SLFN11: variants seen among roughly 807,000 people sequenced by gnomAD.
SLFN11 encodes the protein schlafen family member 11.
Under a neutral mutation model 53.4 loss-of-function variants are expected in SLFN11, and 43 were observed. The ratio of observed to expected loss-of-function variants is 0.80; its 90% CI spans 0.63 to 1.04. The LOEUF is 1.04. SLFN11 is among the 50% of genes least tolerant of loss of function. SLFN11 has a pLI of 0.00. For synonymous variants in SLFN11, 389 were observed against 394.7 expected (o/e 0.99, Z 0.17); for missense variants, 990 against 1,079.1 (o/e 0.92, Z 1.16).
At chr17:35,366,371 A>T (rs1356822321) in intron 3 of SLFN11, among the ~76,000 whole-genome samples, 2 of 152,180 alleles carry the variant, frequency 1.3e-5, no homozygotes, top group African/African-American at 4.8e-5. Flanking sequence ...AACCGATATC[A>T]CTATTTGAAA....
At chr17:35,363,946 T>G in intron 3 of SLFN11, 120 bp from the exon 4 acceptor site, 1 of 738,826 alleles carries the variant, frequency 1.4e-6, no homozygotes, top group East Asian at 2.8e-5. Flanking sequence ...GAGCAATCCC[T>G]TCTCTTTAGG....
At chr17:35,367,227 T>C (rs1418670240) in intron 2 of SLFN11, 164 bp from the exon 3 acceptor site, 1 of 152,114 alleles carries the variant, frequency 6.6e-6, no homozygotes, top group East Asian at 1.9e-4. Flanking sequence ...CCTTTCGATG[T>C]ACAGGGATTT....
chr17:35,361,696 A>G (rs1402236688), intron 4 of SLFN11, among the ~76,000 whole-genome samples: 1 of 151,906 alleles, frequency 6.6e-6, no homozygotes, highest in East Asian at 1.9e-4. Flanking sequence ...GATAAACTAC[A>G]TCTTAATTTA....
At chr17:35,364,712 C>T (rs1322467262) in intron 3 of SLFN11, among the ~76,000 whole-genome samples, 1 of 152,110 alleles carries the variant, frequency 6.6e-6, no homozygotes, top group Non-Finnish European at 1.5e-5. Flanking sequence ...AAACATGGTG[C>T]ATCCACCTTA....
Position 35,351,735 on chromosome 17 carries a change from A to G in SLFN11, c.*621T>C, listed in dbSNP as rs1292479948. 1 of 152,518 alleles carries G rather than the reference A, an allele frequency of 6.6e-6. No homozygotes were observed. Among genetic ancestry groups the G allele is most frequent in the Non-Finnish European group, 1.5e-5 (1 of 68,290 alleles). 9.4% of individuals were successfully genotyped at this position (152,518 alleles called of 1,614,324 possible). ...TCACAATTAAGGCTTGGTCTGGGCC[A>G]TTCTGAGAACAAGCTCTGGAGACCA... On this transcript the variant is annotated 3_prime_UTR_variant, in exon 7 of 7. Coordinates refer to ENST00000685675, the MANE Select transcript of SLFN11 (RefSeq NM_001376007.1).
chr17:35,365,412 T>C (rs1354857937), intron 3 of SLFN11, among the ~76,000 whole-genome samples: 1 of 151,898 alleles, frequency 6.6e-6, no homozygotes, highest in South Asian at 2.1e-4. Context: ...GCCTCCTGAG[T>C]AGCTGGGACT....
rs1009034901 is a variant in SLFN11 at position 35,363,558 on chromosome 17, G to A, written c.250C>T (p.Leu84Phe). 10 of 1,613,902 alleles carry A rather than the reference G, an allele frequency of 6.2e-6. No homozygotes were observed. The highest frequency in any genetic ancestry group is 1.1e-5 in the South Asian group (1 of 91,066). Residue 84 changes from leucine to phenylalanine, a missense_variant, in exon 4 of 7, where the codon CTT (leucine) becomes TTT (phenylalanine). Leu to Phe is a conservative substitution (Grantham distance 22). Transcript: ENST00000685675. Reference sequence around the variant, plus strand: ...GCCTGCAGATCTGAAGACTGAATAAGCTCTCTCAAAGACTGTTCTAAATCC... The same window carrying A: ...GCCTGCAGATCTGAAGACTGAATAAACTCTCTCAAAGACTGTTCTAAATCC... ...GLDLEQSLRELIQSSDLQAFF... is the reference protein window; with the variant it reads ...GLDLEQSLREFIQSSDLQAFF...
intron 3 of SLFN11, 42 bp downstream of exon 3, chr17:35,366,905 C>A (rs544811053): frequency 6.6e-6 from 1 of 151,906 alleles, no homozygotes; most frequent in African/African-American, 2.4e-5. Flanking sequence ...AATCTCACCT[C>A]CTCAAAAAAT....
At chr17:35,361,226 A>G (rs894764295) in intron 4 of SLFN11, among the ~76,000 whole-genome samples, 4 of 152,156 alleles carry the variant, frequency 2.6e-5, no homozygotes, top group African/African-American at 9.7e-5. Context: ...GGGTAAATAT[A>G]GAAACATGTT....
chr17:35,372,629 G>A (rs1230318381), intron 1 of SLFN11, among the ~76,000 whole-genome samples: 2 of 151,954 alleles, frequency 1.3e-5, no homozygotes, highest in Non-Finnish European at 2.9e-5. Context: ...AAAAACTAAT[G>A]AGCATAATTG....
At position 35,352,455 on chromosome 17, in the gene SLFN11, A is replaced by G; in HGVS notation, c.2607T>C (p.His869=). 1 of 1,614,210 alleles carries G rather than the reference A, an allele frequency of 6.2e-7. No individual in the cohort carries two copies. The highest frequency in any genetic ancestry group is 1.1e-5 in the South Asian group (1 of 91,086). ...AGATAGCTGGGTCAGCTGTCCTTGG[A>G]TGGATCCCAAACACTATGCTCCTTT... The part of the protein sequence containing the change: ...GLERSIVFGI[H]PRTADPAILP... Residue 869 remains histidine, a synonymous_variant, in exon 7 of 7, where the codon CAT becomes CAC. Transcript: ENST00000685675.
Position 35,350,984 on chromosome 17 carries a change from T to C in SLFN11, c.*1372A>G, listed in dbSNP as rs1487013249. The C allele has an allele frequency of 6.6e-6, 1 of 152,246 alleles. No individual in the cohort carries two copies. Among genetic ancestry groups the C allele is most frequent in the African/African-American group, 2.4e-5 (1 of 41,468 alleles). The allele number at this position is 152,246 out of a possible 1,614,324, so 9.4% of individuals were successfully genotyped here. On this transcript the variant is annotated 3_prime_UTR_variant, in exon 7 of 7. Coordinates refer to ENST00000685675, the MANE Select transcript of SLFN11 (RefSeq NM_001376007.1). ...TTGCATTAGCATTGTTAAGTATCAG[T>C]GTTTTCTGTTTGACAAATAATCGTA...
At position 35,362,947 on chromosome 17, in the gene SLFN11, G is replaced by T; in HGVS notation, c.861C>A (p.Cys287Ter). The T allele has an allele frequency of 6.2e-7, 1 of 1,613,226 alleles. No individual in the cohort carries two copies. Residue 287 changes from cysteine to a stop codon, truncating the protein, a stop_gained, in exon 4 of 7, where the codon TGC becomes TGA. Coordinates refer to ENST00000685675, the MANE Select transcript of SLFN11 (RefSeq NM_001376007.1). LOFTEE classifies it high-confidence loss of function. The stretch of plus-strand genomic sequence containing the variant: ...TGAAGGTTATCGGGCGTTGGGGTTG[G>T]CAAAAATGAACACAAGGTAGTTTGT... The part of the protein sequence containing the change: ...AIYKLPCVHF[C>*]QPQRPITFTL...
rs1023278105 is a variant in SLFN11 at position 35,362,484 on chromosome 17, C to T, written c.1069+255G>A. 5.9e-5 allele frequency among the ~76,000 whole-genome samples: 9 copies of T among 152,038 alleles called. 1 individual carries two copies. Among genetic ancestry groups the T allele is most frequent in the Non-Finnish European group, 8.8e-5 (6 of 68,022 alleles). On this transcript the variant is annotated intron_variant, in intron 4 of 6. Coordinates refer to ENST00000685675, the MANE Select transcript of SLFN11 (RefSeq NM_001376007.1). ...TAAGAGCCATTCCAGTACACCATTG[C>T]AAGGGTGGCCATTCTCAAATAATTT...
At chr17:35,364,550 A>G (rs1211251248) in intron 3 of SLFN11, among the ~76,000 whole-genome samples, 1 of 152,122 alleles carries the variant, frequency 6.6e-6, no homozygotes, top group Non-Finnish European at 1.5e-5. Flanking sequence ...CTGTTCAGAC[A>G]CCTGGGCAGT....
rs762086056 is a variant in SLFN11, at chr17:35,352,789, G to A, written c.2273C>T (p.Thr758Ile). The change falls in exon 7 of 7, where the codon ACT becomes ATT. Residue 758 changes from threonine to isoleucine, a missense_variant. Physicochemically the swap from Thr to Ile is moderately conservative, Grantham distance 89. Transcript: ENST00000685675. ...IRSNPSFNIPTGCLEVFPEAE... is the reference protein window; with the variant it reads ...IRSNPSFNIPIGCLEVFPEAE... ...TTCAGGAAATACCTCGAGGCACCCA[G>A]TGGGGATGTTAAATGAAGGATTACT... 1.2e-6 allele frequency: 2 copies of A among 1,614,238 alleles called. No homozygotes were observed. The highest frequency in any genetic ancestry group is 1.7e-6 in the Non-Finnish European group (2 of 1,180,038).
At position 35,351,722 on chromosome 17, in the gene SLFN11, C is replaced by T. The variant is rs1906700629; in HGVS notation, c.*634G>A. 1 of 152,274 alleles carries T rather than the reference C, an allele frequency of 6.6e-6. No homozygotes were observed. The highest frequency in any genetic ancestry group is 2.4e-5 in the African/African-American group (1 of 41,448). 9.4% of individuals were successfully genotyped at this position (152,274 alleles called of 1,614,324 possible). On this transcript the variant is annotated 3_prime_UTR_variant, in exon 7 of 7. Transcript: ENST00000685675. ...TTAATATTCACTATCACAATTAAGG[C>T]TTGGTCTGGGCCATTCTGAGAACAA...
rs766299208 is a variant in SLFN11, at chr17:35,352,792, G to A, written c.2270C>T (p.Pro757Leu). Residue 757 changes from proline (P) to leucine (L), a missense_variant, in exon 7 of 7, where the codon CCC becomes CTC. Transcript: ENST00000685675. Reference protein sequence around the residue: ...VIRSNPSFNIPTGCLEVFPEA... With the variant: ...VIRSNPSFNILTGCLEVFPEA... Reference sequence around the variant, plus strand: ...AGGAAATACCTCGAGGCACCCAGTGGGGATGTTAAATGAAGGATTACTTCT... The same window carrying A: ...AGGAAATACCTCGAGGCACCCAGTGAGGATGTTAAATGAAGGATTACTTCT... 10 of 1,614,174 alleles carry A rather than the reference G, an allele frequency of 6.2e-6. No individual in the cohort carries two copies. Among genetic ancestry groups the A allele is most frequent in the Non-Finnish European group, 1.7e-6 (2 of 1,180,042 alleles).
chr17:35,369,595 A>G (rs1205413528), intron 1 of SLFN11, among the ~76,000 whole-genome samples: 2 of 152,164 alleles, frequency 1.3e-5, no homozygotes, highest in Non-Finnish European at 2.9e-5. Context: ...GATTGTTTGA[A>G]AAGATAAACA....
Sources: gnomAD v4.1 joint callset for allele counts (sites outside exome capture counted in the v4.1 genomes callset) on GRCh38, gnomAD v4.1.1 for gene constraint, MANE v1.5 for transcripts, NCBI Gene and HGNC (gene_info 2026-07-23, HGNC 2026-07-21) for gene names.